Variants in LRRC4C observed in about 807,000 individuals in gnomAD.
LRRC4C encodes leucine-rich repeat-containing protein 4C.
A neutral mutation model predicts 33.6 loss-of-function variants in LRRC4C; 5 were observed. That is an observed-to-expected ratio of 0.15 (90% CI 0.08 to 0.31). The LOEUF (loss-of-function observed/expected upper bound fraction) is 0.31. LRRC4C is among the 10% of genes least tolerant of loss of function. The pLI is 1.00. For synonymous variants in LRRC4C, 329 were observed against 302.0 expected (o/e 1.09, Z -0.93); for missense variants, 560 against 796.7 (o/e 0.70, Z 3.58).
chr11:41,126,727 T>C (rs1942760685), intron 1 of LRRC4C, among the ~76,000 whole-genome samples: 1 of 151,876 alleles, frequency 6.6e-6, no homozygotes, highest in Non-Finnish European at 1.5e-5. Flanking sequence ...TTCTTTGAAA[T>C]GTGGCTTCTA....
chr11:41,189,661 G>A (rs1008274514), intron 1 of LRRC4C, among the ~76,000 whole-genome samples: 2 of 152,184 alleles, frequency 1.3e-5, no homozygotes, highest in Admixed American at 1.3e-4. Flanking sequence ...CATGCCCCAA[G>A]GTGATGGCAG....
intron 3 of LRRC4C, among the ~76,000 whole-genome samples, chr11:40,419,294 C>A (rs6485196): frequency 0.34 from 51,381 of 151,794 alleles, 9,862 homozygotes; most frequent in South Asian, 0.46. Flanking sequence ...GAGAAAATAA[C>A]GGCTGGAAAT....
intron 3 of LRRC4C, among the ~76,000 whole-genome samples, chr11:40,549,768 G>GA (rs1309259988): frequency 6.6e-6 from 1 of 151,952 alleles, no homozygotes; most frequent in Non-Finnish European, 1.5e-5. Flanking sequence ...AATGTCAGAA[G>GA]AAAAAAAGTG....
intron 1 of LRRC4C, among the ~76,000 whole-genome samples, chr11:41,095,097 A>G (rs978570254): frequency 6.6e-6 from 1 of 152,194 alleles, no homozygotes; most frequent in African/African-American, 2.4e-5. Context: ...AAGAGGTTTA[A>G]TTGACTCACA....
chr11:40,880,000 A>AT (rs1021128306), intron 2 of LRRC4C, among the ~76,000 whole-genome samples: 3 of 151,966 alleles, frequency 2.0e-5, no homozygotes, highest in African/African-American at 7.2e-5. Flanking sequence ...ATGTTACATG[A>AT]TTTTTGAGGC....
intron 3 of LRRC4C, among the ~76,000 whole-genome samples, chr11:40,391,506 T>C: frequency 6.6e-6 from 1 of 152,070 alleles, no homozygotes; most frequent in Non-Finnish European, 1.5e-5. Flanking sequence ...CATTCTGAGA[T>C]GAGATGAAGG....
rs182096193 is a variant in LRRC4C at position 40,338,431 on chromosome 11, A to G, written c.-269-18710T>C. Among the ~76,000 whole-genome samples the G allele has an allele frequency of 6.4e-4, 98 of 152,320 alleles. 1 individual carries two copies. The highest frequency in any genetic ancestry group is 1.2e-3 in the Non-Finnish European group (82 of 68,030). On this transcript the variant is annotated intron_variant, in intron 3 of 6. Coordinates refer to ENST00000528697, the MANE Select transcript of LRRC4C (RefSeq NM_001258419.2). ...TTTATCAAACTTAATTGACTACAGAAGTCTTTCCTCTTTTATAGGATATTT... is the reference window on the plus strand; with the variant it reads ...TTTATCAAACTTAATTGACTACAGAGGTCTTTCCTCTTTTATAGGATATTT...
At chr11:41,286,280 C>A (rs1424917457) in intron 1 of LRRC4C, among the ~76,000 whole-genome samples, 6 of 152,170 alleles carry the variant, frequency 3.9e-5, no homozygotes, top group Non-Finnish European at 7.3e-5. Flanking sequence ...AATCTTTAAA[C>A]ACAGAAGTAT....
At chr11:41,391,850 T>C (rs1311546694) in intron 1 of LRRC4C, among the ~76,000 whole-genome samples, 2 of 151,950 alleles carry the variant, frequency 1.3e-5, no homozygotes, top group East Asian at 1.9e-4. Flanking sequence ...AAAAAATTAA[T>C]AGAATATTAT....
chr11:40,526,627 T>A (rs1956062363), intron 3 of LRRC4C, among the ~76,000 whole-genome samples: 1 of 152,158 alleles, frequency 6.6e-6, no homozygotes, highest in African/African-American at 2.4e-5. Context: ...TTGGCATAAG[T>A]AATTTGGAAA....
chr11:40,580,791 C>G (rs1392645807), intron 3 of LRRC4C, among the ~76,000 whole-genome samples: 6 of 152,146 alleles, frequency 3.9e-5, no homozygotes, highest in Non-Finnish European at 8.8e-5. Context: ...CTTGGATAGA[C>G]AGGATTTTCA....
At chr11:40,504,473 T>G (rs1431850590) in intron 3 of LRRC4C, among the ~76,000 whole-genome samples, 1 of 151,830 alleles carries the variant, frequency 6.6e-6, no homozygotes, top group African/African-American at 2.4e-5. Flanking sequence ...TGGAGGCATC[T>G]GTCCTCCAAG....
chr11:40,800,435 A>C (rs1950994758), intron 2 of LRRC4C, among the ~76,000 whole-genome samples: 1 of 152,176 alleles, frequency 6.6e-6, no homozygotes, highest in Non-Finnish European at 1.5e-5. Flanking sequence ...TTTTGTGAAC[A>C]TGTATGGAGA....
At chr11:41,368,383 A>T (rs1205838542) in intron 1 of LRRC4C, among the ~76,000 whole-genome samples, 1 of 152,190 alleles carries the variant, frequency 6.6e-6, no homozygotes, top group Non-Finnish European at 1.5e-5. Flanking sequence ...CTTGAATAGA[A>T]CACCTGTTCG....
intron 5 of LRRC4C, among the ~76,000 whole-genome samples, chr11:40,202,139 G>T (rs967102264): frequency 7.2e-6 from 1 of 138,048 alleles, no homozygotes; most frequent in Admixed American, 8.1e-5. Context: ...GATCATTAAG[G>T]AAAACAACAC....
At chr11:40,557,117 A>G (rs1033145844) in intron 3 of LRRC4C, among the ~76,000 whole-genome samples, 3 of 152,104 alleles carry the variant, frequency 2.0e-5, no homozygotes, top group Admixed American at 6.6e-5. Context: ...ATTGAAATAA[A>G]ATGGTGGTTA....
chr11:41,010,103 C>T (rs12292499), intron 1 of LRRC4C, among the ~76,000 whole-genome samples: 2 of 152,170 alleles, frequency 1.3e-5, no homozygotes, highest in South Asian at 4.2e-4. Flanking sequence ...GAAGGATGTT[C>T]CCCAAAGCTG....
intron 1 of LRRC4C, among the ~76,000 whole-genome samples, chr11:41,037,301 T>C (rs1247194735): frequency 6.6e-6 from 1 of 150,714 alleles, no homozygotes; most frequent in Non-Finnish European, 1.5e-5. Flanking sequence ...TTTCTGATAA[T>C]GCCTCAATGG....
chr11:40,723,997 T>C (rs943132181), intron 2 of LRRC4C, among the ~76,000 whole-genome samples: 13 of 151,314 alleles, frequency 8.6e-5, no homozygotes, highest in African/African-American at 2.9e-4. Context: ...ACCAACAACA[T>C]TAAAAAAAAA....
Sources: allele counts gnomAD v4.1 joint callset (sites outside exome capture counted in the v4.1 genomes callset), GRCh38; gene constraint gnomAD v4.1.1; transcripts MANE v1.5; gene names NCBI Gene and HGNC (gene_info 2026-07-23, HGNC 2026-07-21).